The following FRMD4A variants were observed in gnomAD, a reference collection of about 807,000 sequenced individuals.
FRMD4A encodes FERM domain-containing protein 4A.
FRMD4A carries 29 observed loss-of-function variants against 129.1 expected under a neutral mutation model. The observed-to-expected ratio is 0.22, with a 90% confidence interval of 0.17 to 0.31. The LOEUF is 0.31. Ranked by LOEUF, FRMD4A falls within the 10% of genes least tolerant of loss-of-function variation. The probability of loss-of-function intolerance (pLI) is 1.00; values close to 1 mark genes in which losing one functional copy is unlikely to be tolerated. For synonymous variants in FRMD4A, 634 were observed against 571.6 expected (o/e 1.11, Z -1.56); for missense variants, 1,272 against 1,375.8 (o/e 0.92, Z 1.19).
chr10:14,101,726 T>TAACACAACAC (rs59561035), intron 2 of FRMD4A, among the ~76,000 whole-genome samples: 1,804 of 146,518 alleles, frequency 0.012, 40 homozygotes, highest in African/African-American at 0.035. Flanking sequence ...GCCTGGCTTC[T>TAACACAACAC]AACACAACAC....
intron 2 of FRMD4A, among the ~76,000 whole-genome samples, chr10:14,076,689 G>A (rs1835629537): frequency 6.6e-6 from 1 of 152,144 alleles, no homozygotes; most frequent in South Asian, 2.1e-4. Flanking sequence ...ATGAACTTTG[G>A]GGTGGGGGAA....
chr10:13,743,143 C>T (rs780137628), intron 9 of FRMD4A, among the ~76,000 whole-genome samples: 22 of 152,172 alleles, frequency 1.4e-4, no homozygotes, highest in Non-Finnish European at 2.9e-4. Context: ...TCTGGATATC[C>T]TCTATTCAGA....
intron 2 of FRMD4A, among the ~76,000 whole-genome samples, chr10:14,191,471 T>C (rs1842314707): frequency 6.6e-6 from 1 of 152,162 alleles, no homozygotes; most frequent in Non-Finnish European, 1.5e-5. Flanking sequence ...AAAAGTCCTG[T>C]CTCATGACCC....
chr10:14,096,128 G>C (rs1836945930), intron 2 of FRMD4A, among the ~76,000 whole-genome samples: 1 of 152,232 alleles, frequency 6.6e-6, no homozygotes, highest in Non-Finnish European at 1.5e-5. Context: ...GTATTAAGAA[G>C]TGAGACTTTC....
intron 2 of FRMD4A, among the ~76,000 whole-genome samples, chr10:14,226,843 G>A (rs1028710229): frequency 1.6e-4 from 24 of 152,080 alleles, no homozygotes; most frequent in Non-Finnish European, 1.2e-4. Flanking sequence ...CTCCTGGTCC[G>A]CTTTACTGCC....
At chr10:13,980,637 T>C (rs1326921802) in intron 2 of FRMD4A, among the ~76,000 whole-genome samples, 2 of 152,140 alleles carry the variant, frequency 1.3e-5, no homozygotes, top group African/African-American at 4.8e-5. Context: ...GGAGGATTGC[T>C]TGACCCTGGG....
intron 6 of FRMD4A, among the ~76,000 whole-genome samples, chr10:13,771,354 T>C (rs2092449714): frequency 6.6e-6 from 1 of 152,212 alleles, no homozygotes; most frequent in Non-Finnish European, 1.5e-5. Flanking sequence ...ATTATAGGTA[T>C]GAGCCACCAC....
At chr10:14,179,276 T>C (rs1405892419) in intron 2 of FRMD4A, among the ~76,000 whole-genome samples, 1 of 152,220 alleles carries the variant, frequency 6.6e-6, no homozygotes, top group Admixed American at 6.5e-5. Context: ...TGATGATTTA[T>C]TAAGGTGAGA....
At chr10:14,266,039 A>T (rs1189184498) in intron 2 of FRMD4A, among the ~76,000 whole-genome samples, 1 of 152,146 alleles carries the variant, frequency 6.6e-6, no homozygotes. Flanking sequence ...AAGACTTGGA[A>T]GCAACAAACA....
intron 2 of FRMD4A, among the ~76,000 whole-genome samples, chr10:14,246,697 G>T (rs1844253454): frequency 6.6e-6 from 1 of 152,118 alleles, no homozygotes; most frequent in Non-Finnish European, 1.5e-5. Flanking sequence ...CACCAGGTCT[G>T]CCAGGAAAAA....
chr10:14,264,437 A>C (rs1401281179), intron 2 of FRMD4A, among the ~76,000 whole-genome samples: 1 of 152,216 alleles, frequency 6.6e-6, no homozygotes, highest in Non-Finnish European at 1.5e-5. Flanking sequence ...CTGTTTTATA[A>C]ATGAGGTATT....
intron 3 of FRMD4A, among the ~76,000 whole-genome samples, chr10:13,837,915 T>C (rs557599114): frequency 2.0e-5 from 3 of 152,308 alleles, no homozygotes; most frequent in East Asian, 3.9e-4. Flanking sequence ...AGGAATCTGG[T>C]GGCTACTATG....
At chr10:14,005,632 G>C (rs1254359075) in intron 2 of FRMD4A, among the ~76,000 whole-genome samples, 4 of 152,148 alleles carry the variant, frequency 2.6e-5, no homozygotes, top group Admixed American at 2.0e-4. Flanking sequence ...CACAGGTAAC[G>C]AGTTGGTTAT....
intron 2 of FRMD4A, among the ~76,000 whole-genome samples, chr10:14,116,563 G>A (rs1838208913): frequency 6.6e-6 from 1 of 152,196 alleles, no homozygotes; most frequent in Non-Finnish European, 1.5e-5. Context: ...CATAGGGGTG[G>A]AGGAAGCCTT....
chr10:14,017,294 T>G (rs1018739437), intron 2 of FRMD4A, among the ~76,000 whole-genome samples: 2 of 152,242 alleles, frequency 1.3e-5, no homozygotes, highest in Non-Finnish European at 2.9e-5. Flanking sequence ...CGTTTTCATG[T>G]GCTGTCAGTC....
chr10:13,778,682 A>G (rs960286461), intron 6 of FRMD4A, among the ~76,000 whole-genome samples: 6 of 151,756 alleles, frequency 4.0e-5, no homozygotes, highest in Admixed American at 4.0e-4. Context: ...GTTTAATTAC[A>G]TTTTAAAATC....
chr10:14,154,484 AT>A (rs1318939176), intron 2 of FRMD4A, among the ~76,000 whole-genome samples: 1 of 152,188 alleles, frequency 6.6e-6, no homozygotes, highest in Admixed American at 6.5e-5. Context: ...GGCTTAACTT[AT>A]TTTTATCTTA....
rs2090930505 is a variant in FRMD4A at position 13,740,574 on chromosome 10, T to C, written c.552A>G (p.Glu184=). 7 of 1,536,762 alleles carry C rather than the reference T, an allele frequency of 4.6e-6. No individual in the cohort carries two copies. In the South Asian group the frequency reaches 8.1e-5, roughly 18 times the overall value. Residue 184 remains glutamate, a synonymous_variant, in exon 10 of 25, where the codon GAA becomes GAG. Coordinates refer to ENST00000357447, the MANE Select transcript of FRMD4A (RefSeq NM_018027.5). The part of the protein sequence containing the change: ...LKEHPSLAYC[E]DRVIEHYKKL... ...TCTTGTAGTGCTCAATGACTCTGTCTTCACTGTAATTAGAAGAAAAGAATG... is the reference window on the plus strand; with the variant it reads ...TCTTGTAGTGCTCAATGACTCTGTCCTCACTGTAATTAGAAGAAAAGAATG...
chr10:14,060,773 C>A (rs2131701659), intron 2 of FRMD4A, among the ~76,000 whole-genome samples: 1 of 152,260 alleles, frequency 6.6e-6, no homozygotes, highest in South Asian at 2.1e-4. Context: ...TTTTCTGGGA[C>A]AAATGGCTGG....
Sources: gnomAD v4.1 joint callset for allele counts (sites outside exome capture counted in the v4.1 genomes callset) on GRCh38, gnomAD v4.1.1 for gene constraint, MANE v1.5 for transcripts, NCBI Gene and HGNC (gene_info 2026-07-23, HGNC 2026-07-21) for gene names.